Variants in PIEZO1 observed in about 807,000 individuals in gnomAD.
PIEZO1 encodes piezo type mechanosensitive ion channel component 1 (Er blood group), also known as piezo-type mechanosensitive ion channel component 1.
A neutral mutation model predicts 297.2 loss-of-function variants in PIEZO1; 296 were observed. The ratio of observed to expected loss-of-function variants is 1.00; its 90% CI spans 0.91 to 1.10. The LOEUF (loss-of-function observed/expected upper bound fraction) is 1.10, where lower values mean the gene tolerates loss of function less well. Among genes scored for constraint, PIEZO1 ranks in the 50% least tolerant of loss-of-function variants. The probability of loss-of-function intolerance (pLI) is 0.00; values close to 1 mark genes in which losing one functional copy is unlikely to be tolerated. For synonymous variants in PIEZO1, 2,427 were observed against 1,507.5 expected, an observed-to-expected ratio of 1.61 and a Z score of -14.13; for missense variants, 5,018 against 3,455.5, an observed-to-expected ratio of 1.45 and a Z score of -11.34.
At position 88,715,679 on chromosome 16, in the gene PIEZO1, C is replaced by T. The variant is rs889573368; in HGVS notation, c.7492G>A (p.Glu2498Lys). The T allele has an allele frequency of 6.5e-7, 1 of 1,550,204 alleles. No individual in the cohort carries two copies. The highest frequency in any genetic ancestry group is 8.7e-7 in the Non-Finnish European group (1 of 1,146,918). The change falls in exon 51 of 51, where the codon GAG (glutamate) becomes AAG (lysine). Residue 2498 changes from glutamate (E) to lysine (K), a missense_variant. Physicochemically the swap from Glu to Lys is moderately conservative, Grantham distance 56. Transcript: ENST00000301015. The part of the protein sequence containing the change: ...RETRELELEE[E>K]LYAKLIFLYR... ...AGGAAGATGAGCTTGGCGTACAACTCCTCCTCCAGCTCCAGCTCCCGAGTC... is the reference window on the plus strand; with the variant it reads ...AGGAAGATGAGCTTGGCGTACAACTTCTCCTCCAGCTCCAGCTCCCGAGTC...
At chr16:88,741,792 GTGTGGATGGGT>G (rs2142843347) in intron 4 of PIEZO1, 176 bp from the exon 5 acceptor site, 1 of 210,268 alleles carries the variant, frequency 4.8e-6, no homozygotes, top group African/African-American at 3.7e-5. Context: ...GCGGGTGAGA[GTGTGGATGGGT>G]CTGCAGGTGC....
rs1026379730 is a variant in PIEZO1, at chr16:88,725,894, C to T, written c.3969-210G>A. 1.3e-4 allele frequency: 75 copies of T among 579,432 alleles called. No homozygotes were observed. The Middle Eastern group carries it at 2.7e-3, about 21-fold the overall frequency. 35.9% of individuals were successfully genotyped at this position (579,432 alleles called of 1,614,324 possible). On this transcript the variant is annotated intron_variant, in intron 27 of 50. Coordinates refer to ENST00000301015, the MANE Select transcript of PIEZO1 (RefSeq NM_001142864.4). The stretch of plus-strand genomic sequence containing the variant: ...CCCTTCTGCCGTACAGATGCAGGGG[C>T]GTCTGGTGGCACCCACCCCACCACA...
chr16:88,755,193 C>T (rs746160321), intron 1 of PIEZO1, among the ~76,000 whole-genome samples: 7 of 152,198 alleles, frequency 4.6e-5, no homozygotes, highest in South Asian at 2.1e-4. Context: ...GCCTGGGATG[C>T]GGCGAACAGC....
At chr16:88,747,084 C>T (rs778820070) in intron 2 of PIEZO1, among the ~76,000 whole-genome samples, 3 of 152,176 alleles carry the variant, frequency 2.0e-5, no homozygotes, top group South Asian at 2.1e-4. Flanking sequence ...TCAGTGCCTG[C>T]GCTGGGCACA....
At chr16:88,720,582 C>A (rs867058047) in intron 40 of PIEZO1, 34 bp downstream of exon 40, 14 of 1,542,338 alleles carry the variant, frequency 9.1e-6, no homozygotes, top group South Asian at 7.2e-5. Flanking sequence ...TCCCCACCCC[C>A]ACTCCCCAGC....
Position 88,727,108 on chromosome 16 carries a change from C to T in PIEZO1, c.3386G>A (p.Gly1129Asp), listed in dbSNP as rs1392101929. ...ERTEEWQRMAGVNTDRLEPLR... is the reference protein window; with the variant it reads ...ERTEEWQRMADVNTDRLEPLR... The stretch of plus-strand genomic sequence containing the variant: ...CGGCTCCAGGCGGTCGGTGTTGACG[C>T]CAGCCATGCGCTGCCACTCCTCTGT... Residue 1129 changes from glycine (G) to aspartate (D), a missense_variant, in exon 24 of 51, where the codon GGC (glycine) becomes GAC (aspartate). Coordinates refer to ENST00000301015, the MANE Select transcript of PIEZO1 (RefSeq NM_001142864.4). The T allele has an allele frequency of 1.9e-6, 3 of 1,550,012 alleles. No homozygotes were observed. Among genetic ancestry groups the T allele is most frequent in the South Asian group, 1.2e-5 (1 of 84,046 alleles).
Position 88,721,431 on chromosome 16 carries a change from C to T in PIEZO1, c.5404-1G>A. 3 of 1,546,168 alleles carry T rather than the reference C, an allele frequency of 1.9e-6. No homozygotes were observed. The highest frequency in any genetic ancestry group is 1.2e-5 in the South Asian group (1 of 83,936). ...CCTCATGGTCCCAGAGGCCATAGCA[C>T]TGAGGGGCGGGAGGGTGTGGTGAGG... is the stretch of plus-strand genomic sequence containing the variant. On this transcript the variant is annotated splice_acceptor_variant, in intron 38 of 50. Coordinates refer to ENST00000301015, the MANE Select transcript of PIEZO1 (RefSeq NM_001142864.4). LOFTEE classifies it high-confidence loss of function.
At position 88,731,918 on chromosome 16, in the gene PIEZO1, G is replaced by A; in HGVS notation, c.2992-8C>T. On this transcript the variant is annotated splice_polypyrimidine_tract_variant and splice_region_variant and intron_variant, in intron 21 of 50. Coordinates refer to ENST00000301015, the MANE Select transcript of PIEZO1 (RefSeq NM_001142864.4). The stretch of plus-strand genomic sequence containing the variant: ...GGCCATCAGGAAGCAGATCTGGGGA[G>A]GGGAGAGGGCGGGGTGTGGGGATGC... 4 of 771,140 alleles carry A rather than the reference G, an allele frequency of 5.2e-6. No individual in the cohort carries two copies. Among genetic ancestry groups the A allele is most frequent in the South Asian group, 3.4e-5 (1 of 29,582 alleles). 47.8% of individuals were successfully genotyped at this position (771,140 alleles called of 1,614,324 possible).
chr16:88,716,805 C>G lies in PIEZO1; in HGVS notation c.6753+1G>C. Reference sequence around the variant, plus strand: ...GCTTTCACAGGGCAGAGGCCACTTACCGGCTGGGGGTCAAACTGCCGGGAC... The same window carrying G: ...GCTTTCACAGGGCAGAGGCCACTTAGCGGCTGGGGGTCAAACTGCCGGGAC... On this transcript the variant is annotated splice_donor_variant, in intron 46 of 50. Coordinates refer to ENST00000301015, the MANE Select transcript of PIEZO1 (RefSeq NM_001142864.4). LOFTEE classifies it high-confidence loss of function. 6.5e-7 allele frequency: 1 copy of G among 1,549,962 alleles called. No homozygotes were observed. The highest frequency in any genetic ancestry group is 8.7e-7 in the Non-Finnish European group (1 of 1,146,954).
chr16:88,735,932 G>A (rs2142824731), intron 12 of PIEZO1, among the ~76,000 whole-genome samples: 1 of 152,362 alleles, frequency 6.6e-6, no homozygotes, highest in South Asian at 2.1e-4. Context: ...GCACAGGGGT[G>A]GTGCCCGTGC....
rs1567661032 is a variant in PIEZO1, at chr16:88,721,203, CTTCCTT to C, written c.5625_5630del (p.Arg1876_Lys1877del). 1.1e-5 allele frequency: 16 copies of C among 1,455,046 alleles called. 1 individual carries two copies. The highest frequency in any genetic ancestry group is 9.9e-5 in the South Asian group (8 of 80,894). The allele number at this position is 1,455,046 out of a possible 1,614,324, so 90.1% of individuals were successfully genotyped here. ...CTCCTTTCCGTGCTGGGCCCTCCTT[CTTCCTT>C]CTTCTAAAACGTAGACTGATGCGCC... On this transcript the variant is annotated inframe_deletion, in exon 39 of 51. Coordinates refer to ENST00000301015, the MANE Select transcript of PIEZO1 (RefSeq NM_001142864.4).
chr16:88,736,909 A>G (rs1905259529), intron 10 of PIEZO1, 170 bp from the exon 11 acceptor site: 1 of 505,886 alleles, frequency 2.0e-6, no homozygotes, highest in African/African-American at 2.1e-5. Flanking sequence ...ACCGTCCCTG[A>G]GCGTCAGGGA....
intron 21 of PIEZO1, 80 bp from the exon 22 acceptor site, chr16:88,731,990 A>ATG: frequency 2.1e-5 from 1 of 48,194 alleles, no homozygotes; most frequent in Non-Finnish European, 3.0e-5. Context: ...AGCAGGCCTC[A>ATG]GGCTTGCAGC....
In PIEZO1 at chr16:88,737,539, T is replaced by A; in HGVS notation, c.1195+20A>T. ...CCCGCCCCCCGCACCCAGCCATACC[T>A]TGCAGTGTGCGGTACTCACCAGGCC... On this transcript the variant is annotated intron_variant, in intron 10 of 50. Transcript: ENST00000301015. The A allele has an allele frequency of 4.7e-6, 7 of 1,497,534 alleles. No homozygotes were observed. Among genetic ancestry groups the A allele is most frequent in the Non-Finnish European group, 6.3e-6 (7 of 1,114,138 alleles). The allele number at this position is 1,497,534 out of a possible 1,614,324, so 92.8% of individuals were successfully genotyped here.
chr16:88,722,112 G>C (rs769861032), intron 36 of PIEZO1, 46 bp from the exon 37 acceptor site: 2 of 1,529,248 alleles, frequency 1.3e-6, no homozygotes, highest in Non-Finnish European at 1.8e-6. Context: ...ACTGCCCGAA[G>C]GCATGACGGC....
chr16:88,720,047 G>C (rs1256564754), intron 42 of PIEZO1, 22 bp downstream of exon 42: 2 of 1,549,694 alleles, frequency 1.3e-6, no homozygotes, highest in African/African-American at 1.4e-5. Context: ...TGGAGACCGA[G>C]CGCCCCCACG....
intron 1 of PIEZO1, among the ~76,000 whole-genome samples, chr16:88,750,335 C>CA: frequency 6.6e-6 from 1 of 152,320 alleles, no homozygotes. Flanking sequence ...GACTCCATCT[C>CA]AAAAAACAAT....
intron 31 of PIEZO1, 56 bp downstream of exon 31, chr16:88,723,815 T>C: frequency 1.0e-6 from 1 of 953,684 alleles, no homozygotes; most frequent in South Asian, 1.4e-5. Flanking sequence ...GCTGCCCTGG[T>C]CCAGGACCAC....
At position 88,733,593 on chromosome 16, in the gene PIEZO1, T is replaced by TCAGGGCCACCCAGACGGTGTA. The variant is rs1567671640; in HGVS notation, c.2461_2481dup (p.Tyr821_Leu827dup). On this transcript the variant is annotated inframe_insertion, in exon 18 of 51. Transcript: ENST00000301015. ...GAGTTGCCTGCCACACTCACCTCCT[T>TCAGGGCCACCCAGACGGTGTA]CAGGGCCACCCAGACGGTGTACAGG... 1.9e-6 allele frequency: 3 copies of TCAGGGCCACCCAGACGGTGTA among 1,542,952 alleles called. No individual in the cohort carries two copies. The highest frequency in any genetic ancestry group is 2.6e-6 in the Non-Finnish European group (3 of 1,141,866).
Sources: allele counts gnomAD v4.1 joint callset (sites outside exome capture counted in the v4.1 genomes callset), GRCh38; gene constraint gnomAD v4.1.1; transcripts MANE v1.5; gene names NCBI Gene and HGNC (gene_info 2026-07-23, HGNC 2026-07-21).